The following PDE8B variants were observed in gnomAD, a reference collection of about 807,000 sequenced individuals.
PDE8B encodes the protein high affinity cAMP-specific and IBMX-insensitive 3',5'-cyclic phosphodiesterase 8B.
In PDE8B, 26 loss-of-function variants were observed where a neutral mutation model predicts 101.3. That is an observed-to-expected ratio of 0.26 (90% CI 0.19 to 0.36). The LOEUF (loss-of-function observed/expected upper bound fraction) is 0.36. PDE8B is among the 10% of genes least tolerant of loss of function. The pLI, the probability that PDE8B is intolerant of heterozygous loss-of-function variation, is 1.00. For missense variants in PDE8B, 810 were observed against 1,163.1 expected (o/e 0.70, Z 4.42); for synonymous variants, 424 against 429.3 (o/e 0.99, Z 0.15).
At chr5:77,284,997 G>A (rs1765715187) in intron 1 of PDE8B, among the ~76,000 whole-genome samples, 1 of 152,154 alleles carries the variant, frequency 6.6e-6, no homozygotes, top group Admixed American at 6.5e-5. Context: ...GATAGTGAGT[G>A]TCACTATATT....
chr5:77,420,089 G>T (rs1291496035), intron 19 of PDE8B, among the ~76,000 whole-genome samples: 1 of 152,142 alleles, frequency 6.6e-6, no homozygotes, highest in Non-Finnish European at 1.5e-5. Flanking sequence ...CTCCTTGAAA[G>T]AAAGGCCCTG....
chr5:77,123,356 T>TC, the PDE8B span, among the ~76,000 whole-genome samples: 14,375 of 145,170 alleles, frequency 0.099, 674 homozygotes, highest in East Asian at 0.13. Flanking sequence ...GTTGAATTCC[T>TC]CCCCCACCGC....
the PDE8B span, among the ~76,000 whole-genome samples, chr5:77,173,584 A>G: frequency 1.9e-4 from 29 of 152,306 alleles, no homozygotes; most frequent in African/African-American, 6.7e-4. Context: ...CAAGTGAGTC[A>G]AAATGGAAGG....
rs532722012 is a variant in PDE8B, at chr5:77,345,428, G to A, written c.876+497G>A. 2.2e-3 allele frequency among the ~76,000 whole-genome samples: 330 copies of A among 152,312 alleles called. 1 individual carries two copies. Among genetic ancestry groups the A allele is most frequent in the African/African-American group, 7.5e-3 (312 of 41,566 alleles). On this transcript the variant is annotated intron_variant, in intron 7 of 21. Coordinates refer to ENST00000264917, the MANE Select transcript of PDE8B (RefSeq NM_003719.5). The stretch of plus-strand genomic sequence containing the variant: ...ACCTGCCTTGGCCTCCCAAAGTGCT[G>A]GGATTACAGGTATGAGTCACTGCAC...
At chr5:77,153,653 CA>C in the PDE8B span, among the ~76,000 whole-genome samples, 2 of 150,470 alleles carry the variant, frequency 1.3e-5, no homozygotes, top group Non-Finnish European at 2.9e-5. Flanking sequence ...CAGCTCACTG[CA>C]ACCTCCGCCT....
At chr5:77,353,552 T>C in intron 10 of PDE8B, 146 bp downstream of exon 10, 1 of 691,816 alleles carries the variant, frequency 1.4e-6, no homozygotes, top group South Asian at 1.6e-5. Flanking sequence ...AAAATTTGGT[T>C]CCTCTGACAA....
chr5:77,412,597 T>C (rs1415593939), intron 16 of PDE8B, among the ~76,000 whole-genome samples: 1 of 152,028 alleles, frequency 6.6e-6, no homozygotes. Flanking sequence ...GAGGAAAGAT[T>C]AGATAACTGA....
At chr5:77,194,246 T>C in the PDE8B span, among the ~76,000 whole-genome samples, 1 of 152,224 alleles carries the variant, frequency 6.6e-6, no homozygotes, top group African/African-American at 2.4e-5. Context: ...AGGCTTACTG[T>C]AGGGTTTTTG....
intron 1 of PDE8B, among the ~76,000 whole-genome samples, chr5:77,230,585 G>A (rs1753370824): frequency 2.0e-5 from 3 of 152,114 alleles, no homozygotes; most frequent in Admixed American, 1.3e-4. Context: ...TCCTGCCTCA[G>A]CCTCCCGAGT....
At chr5:77,370,091 A>G (rs1784825192) in intron 10 of PDE8B, among the ~76,000 whole-genome samples, 2 of 152,176 alleles carry the variant, frequency 1.3e-5, no homozygotes, top group African/African-American at 4.8e-5. Flanking sequence ...AATTTCATCT[A>G]TTAGTACTTT....
intron 1 of PDE8B, among the ~76,000 whole-genome samples, chr5:77,236,763 A>C (rs1169219069): frequency 6.6e-6 from 1 of 152,192 alleles, no homozygotes; most frequent in Non-Finnish European, 1.5e-5. Flanking sequence ...AAATGAAATG[A>C]TATTGGCTGG....
intron 1 of PDE8B, among the ~76,000 whole-genome samples, chr5:77,229,651 A>G (rs564737309): frequency 6.6e-6 from 1 of 152,002 alleles, no homozygotes; most frequent in Non-Finnish European, 1.5e-5. Flanking sequence ...GGCACTATAG[A>G]TTTGCCTATT....
the PDE8B span, among the ~76,000 whole-genome samples, chr5:77,195,619 T>C: frequency 6.6e-6 from 1 of 152,120 alleles, no homozygotes; most frequent in Non-Finnish European, 1.5e-5. Flanking sequence ...ACTTTGAACT[T>C]CCTAAAAACT....
the PDE8B span, among the ~76,000 whole-genome samples, chr5:77,177,622 G>T: frequency 6.6e-6 from 1 of 152,144 alleles, no homozygotes; most frequent in Admixed American, 6.5e-5. Context: ...ATATAGAATG[G>T]CCAGCATCAC....
the PDE8B span, among the ~76,000 whole-genome samples, chr5:77,098,971 A>G: frequency 6.6e-6 from 1 of 152,260 alleles, no homozygotes; most frequent in African/African-American, 2.4e-5. Flanking sequence ...TCACCTGTCA[A>G]CACTGTTGCA....
chr5:77,420,163 CAG>C (rs1479978220), intron 19 of PDE8B, among the ~76,000 whole-genome samples: 4 of 152,154 alleles, frequency 2.6e-5, no homozygotes, highest in African/African-American at 7.2e-5. Context: ...CGCAGACGAA[CAG>C]AGACTGGCAT....
At chr5:77,321,776 T>A (rs534654095) in intron 2 of PDE8B, among the ~76,000 whole-genome samples, 1 of 152,270 alleles carries the variant, frequency 6.6e-6, no homozygotes, top group Non-Finnish European at 1.5e-5. Context: ...TAGGAAAAAA[T>A]TTAAATATTA....
rs576660873 is a variant in PDE8B, at chr5:77,276,471, G to A, written c.340-35523G>A. Among the ~76,000 whole-genome samples the A allele has an allele frequency of 1.2e-4, 18 of 152,318 alleles. 1 individual carries two copies. In the South Asian group the frequency reaches 3.7e-3, roughly 32 times the overall value. On this transcript the variant is annotated intron_variant, in intron 1 of 21. Coordinates refer to ENST00000264917, the MANE Select transcript of PDE8B (RefSeq NM_003719.5). The stretch of plus-strand genomic sequence containing the variant: ...TAATCTGTCATTCTCATGTTTGTTT[G>A]CTTACTTTTTGAGTTAGGCCTCTGC...
chr5:77,412,416 T>C (rs1794744367), intron 16 of PDE8B, among the ~76,000 whole-genome samples, 181 bp downstream of exon 16: 1 of 152,194 alleles, frequency 6.6e-6, no homozygotes, highest in Non-Finnish European at 1.5e-5. Flanking sequence ...TGAGATCCTT[T>C]GTGGAGAGTA....
Sources: gnomAD v4.1 joint callset for allele counts (sites outside exome capture counted in the v4.1 genomes callset) on GRCh38, gnomAD v4.1.1 for gene constraint, MANE v1.5 for transcripts, NCBI Gene and HGNC (gene_info 2026-07-23, HGNC 2026-07-21) for gene names.